Variants in USP3 observed in about 807,000 individuals in gnomAD.
USP3 encodes the protein ubiquitin carboxyl-terminal hydrolase 3.
USP3 carries 20 observed loss-of-function variants against 72.3 expected under a neutral mutation model. The observed-to-expected ratio is 0.28, with a 90% CI of 0.19 to 0.40. The LOEUF (loss-of-function observed/expected upper bound fraction) is 0.40, where lower values mean the gene tolerates loss of function less well. Ranked by LOEUF, USP3 falls within the 10% of genes least tolerant of loss-of-function variation. The pLI is 1.00. For missense variants in USP3, 479 were observed against 633.9 expected (o/e 0.76, Z 2.62); for synonymous variants, 222 against 225.3 (o/e 0.99, Z 0.13).
chr15:63,532,500 T>C (rs2066091253), intron 1 of USP3, 147 bp from the exon 2 acceptor site: 4 of 815,000 alleles, frequency 4.9e-6, no homozygotes, highest in Non-Finnish European at 8.2e-6. Flanking sequence ...GGCAGCCATT[T>C]TGTGTAAATG....
chr15:63,573,114 G>A (rs947824249), intron 9 of USP3, among the ~76,000 whole-genome samples: 11 of 152,172 alleles, frequency 7.2e-5, no homozygotes, highest in African/African-American at 2.7e-4. Flanking sequence ...ACACACAGTG[G>A]GGCTGTCAGG....
Position 63,504,680 on chromosome 15 carries a change from T to A in USP3, c.-60T>A. ...CACCAGACGGAGCCTCCGGAGTTCC[T>A]CCGCCCCCACCTCGCCGGGTCCTGG... On this transcript the variant is annotated 5_prime_UTR_variant, in exon 1 of 15. Transcript: ENST00000380324. 1.4e-6 allele frequency: 2 copies of A among 1,434,070 alleles called. No individual in the cohort carries two copies. Among genetic ancestry groups the A allele is most frequent in the Admixed American group, 2.1e-5 (1 of 47,176 alleles). 88.8% of individuals were successfully genotyped at this position (1,434,070 alleles called of 1,614,324 possible).
chr15:63,520,551 T>C (rs12907090), intron 1 of USP3, among the ~76,000 whole-genome samples: 98,905 of 132,244 alleles, frequency 0.75, 38,980 homozygotes, highest in Non-Finnish European at 0.81. Context: ...ATTTCTGTTT[T>C]AGATTTTTTT....
intron 1 of USP3, among the ~76,000 whole-genome samples, chr15:63,516,487 G>A (rs1053801022): frequency 1.3e-5 from 2 of 151,708 alleles, no homozygotes; most frequent in Non-Finnish European, 2.9e-5. Context: ...TTCTCTAATT[G>A]CATGGCACAT....
intron 14 of USP3, among the ~76,000 whole-genome samples, chr15:63,589,880 A>G (rs1005918986): frequency 2.6e-5 from 4 of 152,204 alleles, no homozygotes; most frequent in Non-Finnish European, 5.9e-5. Context: ...AAGCTCCTCC[A>G]TAAAATATTT....
chr15:63,557,885 C>A (rs1232799742), intron 5 of USP3, among the ~76,000 whole-genome samples: 1 of 152,156 alleles, frequency 6.6e-6, no homozygotes, highest in Non-Finnish European at 1.5e-5. Context: ...CAATAAGATA[C>A]TTCTATTTAG....
intron 8 of USP3, among the ~76,000 whole-genome samples, chr15:63,566,433 C>T (rs2066692834): frequency 6.6e-6 from 1 of 152,010 alleles, no homozygotes; most frequent in South Asian, 2.1e-4. Context: ...CTGCCTCAGC[C>T]TCTCAAGTAG....
At chr15:63,549,466 G>A (rs558867781) in intron 3 of USP3, among the ~76,000 whole-genome samples, 5 of 152,238 alleles carry the variant, frequency 3.3e-5, no homozygotes, top group East Asian at 1.9e-4. Context: ...TATTATCAAC[G>A]TCAAATTCAG....
chr15:63,504,829 C>T lies in USP3; in HGVS notation c.90C>T (p.Ser30=), dbSNP rs756659655. 11 of 1,604,690 alleles carry T rather than the reference C, an allele frequency of 6.9e-6. 1 individual carries two copies. In the South Asian group the frequency reaches 1.1e-4, roughly 16 times the overall value. ...PNGSPSSWCC[S]VCRSNKSPWV... ...GCTCCCCGTCGTCCTGGTGCTGCAGCGGTGAGTGCGGCCACGGGCCGGCCC... is the reference window on the plus strand; with the variant it reads ...GCTCCCCGTCGTCCTGGTGCTGCAGTGGTGAGTGCGGCCACGGGCCGGCCC... Residue 30 remains serine, a splice_region_variant and synonymous_variant, in exon 1 of 15, where the codon AGC becomes AGT. Coordinates refer to ENST00000380324, the MANE Select transcript of USP3 (RefSeq NM_006537.4).
chr15:63,519,170 G>A (rs2065887077), intron 1 of USP3, among the ~76,000 whole-genome samples: 1 of 152,100 alleles, frequency 6.6e-6, no homozygotes. Flanking sequence ...TTCCTCAATT[G>A]TCCCAACAAT....
Position 63,544,376 on chromosome 15 carries a change from A to G in USP3, c.284+7220A>G. The G allele has an allele frequency of 3.7e-6, 1 of 272,626 alleles. No individual in the cohort carries two copies. 16.9% of individuals were successfully genotyped at this position (272,626 alleles called of 1,614,324 possible). On this transcript the variant is annotated intron_variant, in intron 3 of 14. Transcript: ENST00000380324. The surrounding 1 kb of genome is among the most constrained non-coding windows in gnomAD (Gnocchi z 4.2). ...TTGTAGAGTCCAGTTAATATGAGTG[A>G]GGTCTGGTAGAAAGAAAGTAACTTT...
At chr15:63,560,746 T>G (rs902139128) in intron 7 of USP3, among the ~76,000 whole-genome samples, 9 of 152,204 alleles carry the variant, frequency 5.9e-5, no homozygotes, top group Admixed American at 2.0e-4. Context: ...TATCCTCATT[T>G]GGTGTAGACC....
intron 11 of USP3, among the ~76,000 whole-genome samples, chr15:63,584,599 T>TTA (rs2067024832): frequency 6.6e-6 from 1 of 152,150 alleles, no homozygotes; most frequent in Non-Finnish European, 1.5e-5. Context: ...GAAAAGTCTA[T>TTA]TAAAGTCCTT....
At chr15:63,505,372 G>A (rs750011804) in intron 1 of USP3, among the ~76,000 whole-genome samples, 4 of 152,194 alleles carry the variant, frequency 2.6e-5, no homozygotes, top group African/African-American at 9.6e-5. Flanking sequence ...TTCTCCGCAG[G>A]CTCGGGCACC....
intron 3 of USP3, among the ~76,000 whole-genome samples, chr15:63,550,322 CAATTTT>C (rs1185721262): frequency 2.0e-5 from 3 of 152,166 alleles, no homozygotes; most frequent in African/African-American, 7.2e-5. Context: ...CCGGCCTGAA[CAATTTT>C]AATAGCTGCT....
chr15:63,564,673 C>G (rs1302282967), intron 8 of USP3, among the ~76,000 whole-genome samples: 1 of 152,176 alleles, frequency 6.6e-6, no homozygotes, highest in African/African-American at 2.4e-5. Flanking sequence ...ATAAGGTAAC[C>G]AGGCTGACGA....
chr15:63,531,528 T>G (rs912761462), intron 1 of USP3, among the ~76,000 whole-genome samples: 1 of 152,174 alleles, frequency 6.6e-6, no homozygotes, highest in Non-Finnish European at 1.5e-5. Context: ...AAACAGTGTT[T>G]CAGTGTACGC....
chr15:63,569,640 A>G (rs1259800408), intron 8 of USP3, among the ~76,000 whole-genome samples: 2 of 152,170 alleles, frequency 1.3e-5, no homozygotes, highest in South Asian at 2.1e-4. Context: ...TTATATAGCA[A>G]TGCTTTCTTT....
Position 63,529,679 on chromosome 15 carries a change from T to C in USP3, c.92-2968T>C, listed in dbSNP as rs1207518629. 6.6e-6 allele frequency among the ~76,000 whole-genome samples: 1 copy of C among 152,202 alleles called. No homozygotes were observed. The highest frequency in any genetic ancestry group is 2.4e-5 in the African/African-American group (1 of 41,444). On this transcript the variant is annotated intron_variant, in intron 1 of 14. Coordinates refer to ENST00000380324, the MANE Select transcript of USP3 (RefSeq NM_006537.4). This position sits in a 1 kb window ranked among gnomAD's most constrained non-coding sequence, Gnocchi z 4.2. Reference sequence around the variant, plus strand: ...GGAGATCACCAAATTGTGTGTACTGTGTGTAGGTTTACAACCCTAAAGTGA... The same window carrying C: ...GGAGATCACCAAATTGTGTGTACTGCGTGTAGGTTTACAACCCTAAAGTGA...
Sources: allele counts gnomAD v4.1 joint callset (sites outside exome capture counted in the v4.1 genomes callset), GRCh38; gene constraint gnomAD v4.1.1; non-coding constraint Gnocchi (gnomAD v3.1); transcripts MANE v1.5; gene names NCBI Gene and HGNC (gene_info 2026-07-23, HGNC 2026-07-21).